Variants in DNAH9 observed in about 807,000 individuals in gnomAD.
The protein encoded by DNAH9 is DNAH9 variant protein.
In DNAH9, 345 loss-of-function variants were observed where a neutral mutation model predicts 471.6. The observed-to-expected ratio is 0.73, with a 90% CI of 0.67 to 0.80. The LOEUF (loss-of-function observed/expected upper bound fraction) is 0.80, where lower values mean the gene tolerates loss of function less well. Ranked by LOEUF, DNAH9 falls within the 30% of genes least tolerant of loss-of-function variation. DNAH9 has a pLI of 0.00. For synonymous variants in DNAH9, 2,093 were observed against 2,123.6 expected (o/e 0.99, Z 0.40); for missense variants, 5,407 against 5,609.2 (o/e 0.96, Z 1.15).
intron 19 of DNAH9, among the ~76,000 whole-genome samples, 200 bp from the exon 20 acceptor site, chr17:11,689,366 G>GT (rs56124130): frequency 0.013 from 1,879 of 146,346 alleles, 18 homozygotes; most frequent in African/African-American, 0.016. Context: ...TCCTGAGTGT[G>GT]TTTTTTTTTT....
intron 40 of DNAH9, 107 bp from the exon 41 acceptor site, chr17:11,784,193 T>C: frequency 3.9e-6 from 6 of 1,538,336 alleles, no homozygotes; most frequent in Non-Finnish European, 5.3e-6. Context: ...GACCAAAATA[T>C]AGATTCGAAG....
At chr17:11,621,276 C>T (rs922283961) in intron 6 of DNAH9, among the ~76,000 whole-genome samples, 1 of 151,702 alleles carries the variant, frequency 6.6e-6, no homozygotes, top group Non-Finnish European at 1.5e-5. Context: ...GGTGTGGTGG[C>T]GGGCGCCTGT....
At chr17:11,876,181 G>A (rs962695763) in intron 53 of DNAH9, among the ~76,000 whole-genome samples, 28 of 152,108 alleles carry the variant, frequency 1.8e-4, no homozygotes, top group African/African-American at 5.6e-4. Context: ...TAGACAAAAG[G>A]TGAAGAGAAC....
chr17:11,719,184 C>T (rs2075012871), intron 26 of DNAH9, 150 bp from the exon 27 acceptor site: 2 of 688,694 alleles, frequency 2.9e-6, no homozygotes, highest in Admixed American at 3.0e-5. Context: ...CTAAAGAGTC[C>T]TCCCCACAGT....
intron 62 of DNAH9, among the ~76,000 whole-genome samples, chr17:11,926,092 T>C (rs1282797918): frequency 1.6e-5 from 2 of 127,748 alleles, no homozygotes; most frequent in Non-Finnish European, 3.2e-5. Flanking sequence ...ACTTAACAAA[T>C]TCCTATTTCA....
intron 43 of DNAH9, among the ~76,000 whole-genome samples, chr17:11,801,620 G>A (rs58578811): frequency 0.16 from 25,074 of 152,124 alleles, 2,140 homozygotes; most frequent in African/African-American, 0.18. Context: ...GAACCCGGGA[G>A]GCAGCGGTTG....
rs550801585 is a variant in DNAH9, at chr17:11,822,043, G to A, written c.8831G>A (p.Arg2944Gln). The change falls in exon 46 of 69, where the codon CGG (arginine) becomes CAG (glutamine). Residue 2944 changes from arginine to glutamine, a missense_variant. Physicochemically the swap from Arg to Gln is conservative, Grantham distance 43. Coordinates refer to ENST00000262442, the MANE Select transcript of DNAH9 (RefSeq NM_001372.4). ...AACTGTTGGAAGTTCTTTATAGATC[G>A]GATCCGGCGACAGCTGAAGGTAAAG... ...RENCWKFFID[R>Q]IRRQLKVTLC... The A allele has an allele frequency of 5.9e-5, 95 of 1,613,174 alleles. 1 individual carries two copies. In the East Asian group the frequency reaches 1.0e-3, roughly 18 times the overall value.
At position 11,854,123 on chromosome 17, in the gene DNAH9, G is replaced by A. The variant is rs116202848; in HGVS notation, c.9628G>A (p.Ala3210Thr). The A allele has an allele frequency of 2.1e-5, 34 of 1,614,036 alleles. No individual in the cohort carries two copies. The Admixed American group carries it at 3.3e-4, about 16-fold the overall frequency. Residue 3210 changes from alanine to threonine, a missense_variant, in exon 50 of 69, where the codon GCT becomes ACT. Coordinates refer to ENST00000262442, the MANE Select transcript of DNAH9 (RefSeq NM_001372.4). ...GGTGCCCAAGGACCGGAGCTGGAAG[G>A]CTGCTAAGGTCACCATGGCCAAAGT... ...GRVPKDRSWK[A>T]AKVTMAKVDG... is the part of the protein sequence containing the mutation.
At chr17:11,733,615 G>C (rs2075301362) in intron 28 of DNAH9, among the ~76,000 whole-genome samples, 1 of 152,194 alleles carries the variant, frequency 6.6e-6, no homozygotes, top group Non-Finnish European at 1.5e-5. Context: ...ACTTTGGGAG[G>C]CCGAGGTGGG....
At chr17:11,606,065 G>A (rs963447216) in intron 1 of DNAH9, among the ~76,000 whole-genome samples, 11 of 152,110 alleles carry the variant, frequency 7.2e-5, no homozygotes, top group African/African-American at 2.7e-4. Context: ...TCTGCCCTGG[G>A]TTCAAATGGT....
rs199942406 is a variant in DNAH9 at position 11,701,241 on chromosome 17, A to G, written c.5145A>G (p.Pro1715=). 241 of 1,613,228 alleles carry G rather than the reference A, an allele frequency of 1.5e-4. No homozygotes were observed. The highest frequency in any genetic ancestry group is 2.2e-4 in the Admixed American group (13 of 59,996). ...KPREQWLFDH[P]AQVALTCTQI... is the part of the protein sequence containing the mutation. ...GGGAGCAGTGGCTTTTTGACCACCCAGCTCAGGTATTCTCCTAATGGGATC... is the reference window on the plus strand; with the variant it reads ...GGGAGCAGTGGCTTTTTGACCACCCGGCTCAGGTATTCTCCTAATGGGATC... The change falls in exon 24 of 69, where the codon CCA becomes CCG. Residue 1715 remains proline (P), a synonymous_variant. Coordinates refer to ENST00000262442, the MANE Select transcript of DNAH9 (RefSeq NM_001372.4).
In DNAH9 at chr17:11,932,881, C is replaced by A. The variant is rs897296710; in HGVS notation, c.12297+676C>A. Among the ~76,000 whole-genome samples, 1 of 152,174 alleles carries A rather than the reference C, an allele frequency of 6.6e-6. No individual in the cohort carries two copies. Among genetic ancestry groups the A allele is most frequent in the Admixed American group, 6.5e-5 (1 of 15,278 alleles). On this transcript the variant is annotated intron_variant, in intron 64 of 68. Transcript: ENST00000262442. The surrounding 1 kb of genome is among the most constrained non-coding windows in gnomAD (Gnocchi z 4.3). ...TCGCCTGATATAAGTTCCCAAACTTCGCTAACAATCAGTGCTCTTCCAGTT... is the reference window on the plus strand; with the variant it reads ...TCGCCTGATATAAGTTCCCAAACTTAGCTAACAATCAGTGCTCTTCCAGTT...
At chr17:11,736,995 C>T (rs926439201) in intron 28 of DNAH9, among the ~76,000 whole-genome samples, 1 of 152,184 alleles carries the variant, frequency 6.6e-6, no homozygotes, top group Non-Finnish European at 1.5e-5. Context: ...CAGCCTTTGC[C>T]AGTCACGTAA....
At chr17:11,656,772 C>T (rs1438409406) in intron 14 of DNAH9, among the ~76,000 whole-genome samples, 1 of 152,162 alleles carries the variant, frequency 6.6e-6, no homozygotes, top group Non-Finnish European at 1.5e-5. Flanking sequence ...TCCTGCGAGC[C>T]TCAATCACTG....
chr17:11,851,893 A>G (rs1341330498), intron 49 of DNAH9, among the ~76,000 whole-genome samples: 1 of 152,214 alleles, frequency 6.6e-6, no homozygotes, highest in Non-Finnish European at 1.5e-5. Context: ...ATCGACCGTG[A>G]TATATCTGGG....
At chr17:11,720,345 C>A (rs2075033821) in intron 27 of DNAH9, among the ~76,000 whole-genome samples, 1 of 151,810 alleles carries the variant, frequency 6.6e-6, no homozygotes, top group Non-Finnish European at 1.5e-5. Flanking sequence ...GTGTGCTGCA[C>A]CCATTAACTC....
In DNAH9 at chr17:11,871,668, C is replaced by T. The variant is rs781274437; in HGVS notation, c.10124C>T (p.Thr3375Met). ...AVQNFKQQER[T>M]LCGDILLITA... ...CAGAACTTCAAACAGCAGGAAAGGA[C>T]GTTATGTGGAGACATTTTACTTATA... The change falls in exon 52 of 69, where the codon ACG becomes ATG. Residue 3375 changes from threonine to methionine, a missense_variant. Physicochemically the swap from Thr to Met is moderately conservative, Grantham distance 81 (BLOSUM62 -1). Coordinates refer to ENST00000262442, the MANE Select transcript of DNAH9 (RefSeq NM_001372.4). 11 of 1,614,060 alleles carry T rather than the reference C, an allele frequency of 6.8e-6. 1 individual carries two copies. The highest frequency in any genetic ancestry group is 1.1e-5 in the South Asian group (1 of 91,092).
intron 67 of DNAH9, among the ~76,000 whole-genome samples, chr17:11,950,471 T>C (rs1057129035): frequency 6.6e-6 from 1 of 152,094 alleles, no homozygotes; most frequent in African/African-American, 2.4e-5. Flanking sequence ...GCTCAAGAGA[T>C]CTTCCCACCT....
Position 11,693,886 on chromosome 17 carries a change from G to A in DNAH9, c.4633G>A (p.Gly1545Ser), listed in dbSNP as rs1251123382. 2 of 1,614,128 alleles carry A rather than the reference G, an allele frequency of 1.2e-6. No individual in the cohort carries two copies. The highest frequency in any genetic ancestry group is 2.2e-5 in the East Asian group (1 of 44,872). The change falls in exon 21 of 69, where the codon GGC becomes AGC. Residue 1545 changes from glycine (G) to serine (S), a missense_variant. Physicochemically the swap from Gly to Ser is moderately conservative, Grantham distance 56. Transcript: ENST00000262442. ...QLPQDSKRFE[G>S]IDIDFKELAY... ...TTTGCAGGATTCTAAAAGGTTTGAA[G>A]GCATCGACATTGACTTTAAAGAGCT...
Sources: allele counts gnomAD v4.1 joint callset (sites outside exome capture counted in the v4.1 genomes callset), GRCh38; gene constraint gnomAD v4.1.1; non-coding constraint Gnocchi (gnomAD v3.1); transcripts MANE v1.5; gene names NCBI Gene and HGNC (gene_info 2026-07-23, HGNC 2026-07-21).